GALNT13: variants seen among roughly 807,000 people sequenced by gnomAD.
GALNT13 encodes the protein polypeptide N-acetylgalactosaminyltransferase 13.
A neutral mutation model predicts 64.2 loss-of-function variants in GALNT13; 28 were observed. The ratio of observed to expected loss-of-function variants is 0.44; its 90% confidence interval spans 0.32 to 0.60. The LOEUF (loss-of-function observed/expected upper bound fraction) is 0.60. GALNT13 is among the 20% of genes least tolerant of loss of function. GALNT13 has a pLI of 0.05. For synonymous variants in GALNT13, 214 were observed against 224.6 expected, an observed-to-expected ratio of 0.95 and a Z score of 0.42; for missense variants, 577 against 669.8, an observed-to-expected ratio of 0.86 and a Z score of 1.53.
At chr2:154,084,844 A>G (rs1323366272) in intron 3 of GALNT13, among the ~76,000 whole-genome samples, 2 of 151,950 alleles carry the variant, frequency 1.3e-5, no homozygotes, top group African/African-American at 4.8e-5. Context: ...TGAGTAACTT[A>G]TCATGATTAA....
At chr2:153,768,452 GT>G in the GALNT13 span, among the ~76,000 whole-genome samples, 1 of 152,080 alleles carries the variant, frequency 6.6e-6, no homozygotes, top group African/African-American at 2.4e-5. Flanking sequence ...AGTAGTATTT[GT>G]TTTTTGAATC....
the GALNT13 span, among the ~76,000 whole-genome samples, chr2:153,305,250 A>G: frequency 6.6e-6 from 1 of 152,126 alleles, no homozygotes; most frequent in Admixed American, 6.5e-5. Context: ...GTTCATAGCA[A>G]TTATGGTAGA....
chr2:153,596,851 G>A, the GALNT13 span, among the ~76,000 whole-genome samples: 1 of 151,898 alleles, frequency 6.6e-6, no homozygotes, highest in Non-Finnish European at 1.5e-5. Context: ...AGAATTTTAG[G>A]ATATATTGAA....
chr2:153,324,375 C>A, the GALNT13 span, among the ~76,000 whole-genome samples: 1 of 152,182 alleles, frequency 6.6e-6, no homozygotes, highest in South Asian at 2.1e-4. Context: ...AGTTGCTTAT[C>A]AGCTAAAGGA....
At chr2:153,143,356 T>C in the GALNT13 span, among the ~76,000 whole-genome samples, 1 of 152,068 alleles carries the variant, frequency 6.6e-6, no homozygotes, top group Non-Finnish European at 1.5e-5. Context: ...TTCTATCCTT[T>C]CTTTTGCAAG....
chr2:154,372,722 A>G (rs189642553), intron 9 of GALNT13, among the ~76,000 whole-genome samples: 11 of 152,220 alleles, frequency 7.2e-5, no homozygotes, highest in Non-Finnish European at 1.5e-4. Flanking sequence ...AATGTTACAT[A>G]TGCTTATTTT....
At position 154,081,307 on chromosome 2, in the gene GALNT13, G is replaced by A. The variant is rs1377912875; in HGVS notation, c.143-59030G>A. Among the ~76,000 whole-genome samples the A allele has an allele frequency of 2.0e-5, 3 of 151,454 alleles. No homozygotes were observed. In the East Asian group the frequency reaches 5.8e-4, roughly 29 times the overall value. ...ATATTGACATGTGAGCCATCTTCTC[G>A]AGAGAGAATCAGGTATTCTCTTAGC... On this transcript the variant is annotated intron_variant, in intron 3 of 12. Coordinates refer to ENST00000392825, the MANE Select transcript of GALNT13 (RefSeq NM_052917.4).
intron 2 of GALNT13, among the ~76,000 whole-genome samples, chr2:153,916,308 C>T (rs1574107147): frequency 1.3e-5 from 2 of 152,010 alleles, no homozygotes. Context: ...TGGTGTGTGG[C>T]GTTGTGCCTG....
the GALNT13 span, among the ~76,000 whole-genome samples, chr2:153,104,126 C>T: frequency 1.9e-4 from 29 of 152,134 alleles, no homozygotes; most frequent in African/African-American, 6.5e-4. Flanking sequence ...ATTAATTTTG[C>T]GTTTAGGCTC....
chr2:153,275,776 T>C, the GALNT13 span, among the ~76,000 whole-genome samples: 1 of 152,108 alleles, frequency 6.6e-6, no homozygotes, highest in Non-Finnish European at 1.5e-5. Flanking sequence ...TAGTCTTATG[T>C]ACAATTGTCA....
chr2:154,136,848 C>A (rs1003988241), intron 3 of GALNT13, among the ~76,000 whole-genome samples: 1 of 152,018 alleles, frequency 6.6e-6, no homozygotes, highest in Non-Finnish European at 1.5e-5. Flanking sequence ...AACATTTCAT[C>A]CATATTCAAA....
the GALNT13 span, among the ~76,000 whole-genome samples, chr2:153,505,468 G>GT: frequency 2.6e-5 from 4 of 151,998 alleles, no homozygotes; most frequent in Non-Finnish European, 5.9e-5. Flanking sequence ...TGTGACCCCA[G>GT]TTTGCTCTTT....
At chr2:153,710,403 T>C in the GALNT13 span, among the ~76,000 whole-genome samples, 1 of 152,074 alleles carries the variant, frequency 6.6e-6, no homozygotes. Flanking sequence ...AGTGAAAAAG[T>C]AAAATAATAT....
chr2:153,390,269 C>T, the GALNT13 span, among the ~76,000 whole-genome samples: 1 of 151,980 alleles, frequency 6.6e-6, no homozygotes, highest in Non-Finnish European at 1.5e-5. Context: ...AATGAGAACA[C>T]GTGGACACAG....
chr2:153,659,844 A>G, the GALNT13 span, among the ~76,000 whole-genome samples: 5 of 152,156 alleles, frequency 3.3e-5, no homozygotes, highest in Non-Finnish European at 7.4e-5. Flanking sequence ...TGGGATGAGG[A>G]GGCTTGTGAT....
intron 3 of GALNT13, among the ~76,000 whole-genome samples, chr2:154,104,944 C>T (rs910835906): frequency 6.6e-6 from 1 of 152,134 alleles, no homozygotes; most frequent in Admixed American, 6.5e-5. Context: ...TGGTGCTCTG[C>T]CCCCAAGAAG....
chr2:153,315,375 G>A, the GALNT13 span, among the ~76,000 whole-genome samples: 1 of 152,124 alleles, frequency 6.6e-6, no homozygotes, highest in Non-Finnish European at 1.5e-5. Context: ...AGCTCTCTGG[G>A]GCTTCTTTTA....
chr2:153,458,838 T>A, the GALNT13 span, among the ~76,000 whole-genome samples: 1 of 152,216 alleles, frequency 6.6e-6, no homozygotes, highest in African/African-American at 2.4e-5. Flanking sequence ...CTATGAAGTT[T>A]GCTCCAACAA....
intron 9 of GALNT13, among the ~76,000 whole-genome samples, chr2:154,328,825 T>C (rs948627166): frequency 1.3e-5 from 2 of 152,104 alleles, no homozygotes; most frequent in Admixed American, 1.3e-4. Context: ...AATGTGAAAA[T>C]GAGAAGATGA....
Sources: allele counts gnomAD v4.1 joint callset (sites outside exome capture counted in the v4.1 genomes callset), GRCh38; gene constraint gnomAD v4.1.1; transcripts MANE v1.5; gene names NCBI Gene and HGNC (gene_info 2026-07-23, HGNC 2026-07-21).